SPOCK3: variants seen among roughly 807,000 people sequenced by gnomAD.
SPOCK3 encodes SPARC (osteonectin), cwcv and kazal like domains proteoglycan 3.
Under a neutral mutation model 56.6 loss-of-function variants are expected in SPOCK3, and 30 were observed. The observed-to-expected ratio is 0.53, with a 90% CI of 0.40 to 0.72. SPOCK3 has a LOEUF of 0.72. Ranked by LOEUF, SPOCK3 falls within the 30% of genes least tolerant of loss-of-function variation. The pLI is 0.00. For missense variants in SPOCK3, 527 were observed against 530.0 expected (o/e 0.99, Z 0.06); for synonymous variants, 196 against 183.3 (o/e 1.07, Z -0.56).
rs146837653 is a variant in SPOCK3, at chr4:166,923,704, T to C, written c.351-10961A>G. On this transcript the variant is annotated intron_variant, in intron 4 of 10. Coordinates refer to ENST00000357545, the MANE Select transcript of SPOCK3 (RefSeq NM_001040159.2). ...ATCACAAACCACAGCCAGGTCTAACTGATTCTTCTGTCAGTAAAGACCAAC... is the reference window on the plus strand; with the variant it reads ...ATCACAAACCACAGCCAGGTCTAACCGATTCTTCTGTCAGTAAAGACCAAC... 5.6e-3 allele frequency among the ~76,000 whole-genome samples: 854 copies of C among 152,326 alleles called. 6 individuals carry two copies. Among genetic ancestry groups the C allele is most frequent in the Middle Eastern group, 0.02 (6 of 294 alleles).
At chr4:166,840,270 T>C (rs985041077) in intron 6 of SPOCK3, among the ~76,000 whole-genome samples, 5 of 152,186 alleles carry the variant, frequency 3.3e-5, no homozygotes, top group African/African-American at 1.2e-4. Context: ...CATAGTACTT[T>C]GGGACATAGT....
chr4:166,968,126 C>A (rs994077395), intron 4 of SPOCK3, among the ~76,000 whole-genome samples: 1 of 152,160 alleles, frequency 6.6e-6, no homozygotes, highest in African/African-American at 2.4e-5. Flanking sequence ...GGTGGCCTAG[C>A]TGCTTCCAAA....
chr4:167,036,860 A>C lies in SPOCK3; in HGVS notation c.235+25632T>G, dbSNP rs147305916. Among the ~76,000 whole-genome samples, 520 of 152,224 alleles carry C rather than the reference A, an allele frequency of 3.4e-3. 4 individuals are homozygous for C. The highest frequency in any genetic ancestry group is 0.011 in the African/African-American group (463 of 41,530). On this transcript the variant is annotated intron_variant, in intron 3 of 10. Transcript: ENST00000357545. ...TCTAACGCTGTTATATCAACAACAA[A>C]AAAAATATTTTGGGAGATCCATATT... is the stretch of plus-strand genomic sequence containing the variant.
chr4:167,139,912 C>T (rs1373551262), intron 2 of SPOCK3, among the ~76,000 whole-genome samples: 2 of 151,964 alleles, frequency 1.3e-5, no homozygotes, highest in African/African-American at 4.8e-5. Context: ...TTCTGCACCA[C>T]AGTCTTCTGG....
chr4:167,065,296 G>A (rs1464908267), intron 2 of SPOCK3, among the ~76,000 whole-genome samples: 1 of 151,772 alleles, frequency 6.6e-6, no homozygotes, highest in Admixed American at 6.6e-5. Context: ...GAAGTCAGAT[G>A]ATGTCAAAGC....
In SPOCK3 at chr4:167,076,430, G is replaced by C. The variant is rs1757190114; in HGVS notation, c.190-13893C>G. On this transcript the variant is annotated intron_variant, in intron 2 of 10. Coordinates refer to ENST00000357545, the MANE Select transcript of SPOCK3 (RefSeq NM_001040159.2). ...TGGGAAAACTCTGTACCTTCTGCTT[G>C]CTCGATATTGCTAGGAACCTAAAAC... Among the ~76,000 whole-genome samples, 5 of 151,446 alleles carry C rather than the reference G, an allele frequency of 3.3e-5. No individual in the cohort carries two copies. The Admixed American group carries it at 3.3e-4, about 10-fold the overall frequency.
chr4:167,136,552 A>G (rs1042694296), intron 2 of SPOCK3, among the ~76,000 whole-genome samples: 10 of 152,150 alleles, frequency 6.6e-5, no homozygotes, highest in African/African-American at 2.4e-4. Flanking sequence ...CTCTATTTGC[A>G]ACAATAAAGA....
At chr4:167,132,111 G>A (rs1370848306) in intron 2 of SPOCK3, among the ~76,000 whole-genome samples, 1 of 152,106 alleles carries the variant, frequency 6.6e-6, no homozygotes, top group Admixed American at 6.5e-5. Context: ...CATTTCATGT[G>A]AATTTTTAAA....
At chr4:167,032,084 GA>G (rs1752331755) in intron 3 of SPOCK3, among the ~76,000 whole-genome samples, 1 of 89,516 alleles carries the variant, frequency 1.1e-5, no homozygotes, top group African/African-American at 1.0e-4. Context: ...TCTGAATTTA[GA>G]AGAAGAGGCT....
chr4:167,051,641 G>A (rs1308517387), intron 3 of SPOCK3, among the ~76,000 whole-genome samples: 1 of 152,164 alleles, frequency 6.6e-6, no homozygotes, highest in African/African-American at 2.4e-5. Flanking sequence ...TAGAGTGAGG[G>A]TTGACATTTC....
At chr4:167,180,775 G>A (rs751519593) in intron 2 of SPOCK3, among the ~76,000 whole-genome samples, 20 of 152,022 alleles carry the variant, frequency 1.3e-4, no homozygotes, top group Non-Finnish European at 2.2e-4. Flanking sequence ...AGGAAGACAT[G>A]GCCAAACATT....
chr4:167,170,621 C>T (rs1167747549), intron 2 of SPOCK3, among the ~76,000 whole-genome samples: 2 of 152,150 alleles, frequency 1.3e-5, no homozygotes, highest in Admixed American at 6.6e-5. Flanking sequence ...AGTCACACAG[C>T]TGGAAAGTGG....
intron 3 of SPOCK3, 142 bp from the exon 4 acceptor site, chr4:167,000,605 T>G: frequency 9.4e-6 from 5 of 534,736 alleles, no homozygotes; most frequent in Non-Finnish European, 1.6e-5. Context: ...TAAGAGAAAC[T>G]TCTGCTTCTA....
At chr4:167,233,509 C>T (rs1737398611) in intron 2 of SPOCK3, among the ~76,000 whole-genome samples, 1 of 152,190 alleles carries the variant, frequency 6.6e-6, no homozygotes, top group Non-Finnish European at 1.5e-5. Flanking sequence ...CAAACATCCT[C>T]CCACCCTTGG....
intron 6 of SPOCK3, among the ~76,000 whole-genome samples, chr4:166,828,050 C>A (rs1445694675): frequency 3.9e-5 from 6 of 151,986 alleles, no homozygotes; most frequent in Non-Finnish European, 8.8e-5. Flanking sequence ...AGCAGCACAG[C>A]ATTCAATGGT....
intron 7 of SPOCK3, among the ~76,000 whole-genome samples, chr4:166,766,816 C>G (rs565250978): frequency 6.6e-6 from 1 of 152,094 alleles, no homozygotes; most frequent in Non-Finnish European, 1.5e-5. Context: ...TCCATCTGGT[C>G]CTGGACTTTT....
Position 166,899,242 on chromosome 4 carries a change from A to ATATCTATCTATCTATC in SPOCK3, c.475-10014_475-9999dup, listed in dbSNP as rs75617799. ...CTCAATTCCTATAATAAATCTCCTCATATCTATCTATCTATCTATCTATCT... is the reference window on the plus strand; with the variant it reads ...CTCAATTCCTATAATAAATCTCCTCATATCTATCTATCTATCTATCTATCTATCTATCTATCTATCT... On this transcript the variant is annotated intron_variant, in intron 5 of 10. Transcript: ENST00000357545. Among the ~76,000 whole-genome samples, 249 of 117,340 alleles carry ATATCTATCTATCTATC rather than the reference A, an allele frequency of 2.1e-3. 2 individuals carry two copies. The highest frequency in any genetic ancestry group is 0.013 in the Middle Eastern group (3 of 232). The allele number at this position is 117,340 out of a possible 152,430, so 77.0% of individuals were successfully genotyped here. A position where few individuals can be genotyped will look rare whatever the true frequency, so the allele number is the denominator to read the frequency against.
intron 4 of SPOCK3, among the ~76,000 whole-genome samples, chr4:166,936,320 A>T (rs1740398520): frequency 6.6e-6 from 1 of 152,116 alleles, no homozygotes; most frequent in Non-Finnish European, 1.5e-5. Flanking sequence ...ATCACAATTA[A>T]TTTTTAAAAG....
chr4:167,129,193 C>T (rs998358704), intron 2 of SPOCK3, among the ~76,000 whole-genome samples: 4 of 152,128 alleles, frequency 2.6e-5, no homozygotes, highest in Admixed American at 2.6e-4. Context: ...CAAGTCCTGC[C>T]CCAGATCTAC....
Sources: allele counts gnomAD v4.1 joint callset (sites outside exome capture counted in the v4.1 genomes callset), GRCh38; gene constraint gnomAD v4.1.1; transcripts MANE v1.5; gene names NCBI Gene and HGNC (gene_info 2026-07-23, HGNC 2026-07-21).